LRBA: variants seen among roughly 807,000 people sequenced by gnomAD.
The protein encoded by LRBA is lipopolysaccharide-responsive and beige-like anchor protein.
In LRBA, 176 loss-of-function variants were observed where a neutral mutation model predicts 330.0. The observed-to-expected ratio is 0.53, with a 90% CI of 0.47 to 0.60. LRBA has a LOEUF of 0.60. Among genes scored for constraint, LRBA ranks in the 20% least tolerant of loss-of-function variants. The pLI, the probability that LRBA is intolerant of heterozygous loss-of-function variation, is 0.00. For synonymous variants in LRBA, 1,230 were observed against 1,193.0 expected, an observed-to-expected ratio of 1.03 and a Z score of -0.64; for missense variants, 3,259 against 3,444.8, an observed-to-expected ratio of 0.95 and a Z score of 1.35.
intron 40 of LRBA, among the ~76,000 whole-genome samples, chr4:150,516,380 T>C (rs1762366104): frequency 1.3e-5 from 2 of 151,904 alleles, no homozygotes; most frequent in African/African-American, 4.8e-5. Context: ...TGACTACATA[T>C]ATAATCTAAA....
intron 2 of LRBA, among the ~76,000 whole-genome samples, chr4:150,965,658 G>C (rs1405917974): frequency 6.6e-6 from 1 of 151,640 alleles, no homozygotes; most frequent in Non-Finnish European, 1.5e-5. Flanking sequence ...TCCCGCCTCA[G>C]CCTCCTAAGT....
At chr4:150,376,555 A>G (rs751800256) in intron 47 of LRBA, among the ~76,000 whole-genome samples, 15 of 152,216 alleles carry the variant, frequency 9.9e-5, no homozygotes, top group Non-Finnish European at 2.1e-4. Flanking sequence ...GTACTAAACC[A>G]TGGTTGTAAT....
At chr4:150,805,293 GGAAA>G (rs2126706560) in intron 33 of LRBA, among the ~76,000 whole-genome samples, 1 of 85,174 alleles carries the variant, frequency 1.2e-5, no homozygotes, top group South Asian at 4.4e-4. Flanking sequence ...GAGAAGGAAA[GGAAA>G]GGAAAGGAAA....
Position 150,758,439 on chromosome 4 carries a change from C to T in LRBA, c.5645+3344G>A, listed in dbSNP as rs2126448175. 2.0e-5 allele frequency among the ~76,000 whole-genome samples: 3 copies of T among 152,268 alleles called. No individual in the cohort carries two copies. In the South Asian group the frequency reaches 6.2e-4, roughly 32 times the overall value. ...CCCACATCCAAGCCATTAGAATATC[C>T]TGTCAGGTCTTATCTTCAAAATAGG... On this transcript the variant is annotated intron_variant, in intron 35 of 56. Coordinates refer to ENST00000651943, the MANE Select transcript of LRBA (RefSeq NM_001364905.1).
At chr4:150,963,194 CG>C (rs1273869937) in intron 2 of LRBA, among the ~76,000 whole-genome samples, 2 of 148,060 alleles carry the variant, frequency 1.4e-5, no homozygotes, top group African/African-American at 5.3e-5. Context: ...CCCCTTTGCA[CG>C]GTCCTCGTCT....
rs757523027 is a variant in LRBA, at chr4:150,302,725, A to G, written c.7917T>C (p.Tyr2639=). ...VVTCLARSES[Y]IGGNCYILSG... ...AGAGAATGTAGCAATTTCCCCCAATATATGACTCAGAACGAGCAAGGCAAG... is the reference window on the plus strand; with the variant it reads ...AGAGAATGTAGCAATTTCCCCCAATGTATGACTCAGAACGAGCAAGGCAAG... Residue 2639 remains tyrosine, a synonymous_variant, in exon 53 of 57, where the codon TAT becomes TAC. Transcript: ENST00000651943. The G allele has an allele frequency of 6.2e-7, 1 of 1,612,238 alleles. No individual in the cohort carries two copies. The highest frequency in any genetic ancestry group is 8.5e-7 in the Non-Finnish European group (1 of 1,178,890).
intron 41 of LRBA, among the ~76,000 whole-genome samples, chr4:150,489,676 TTATATATAAGA>T (rs1393741648): frequency 8.0e-6 from 1 of 125,482 alleles, no homozygotes; most frequent in Non-Finnish European, 1.6e-5. Context: ...AGAATATATA[TTATATATAAGA>T]ATATATTATA....
At chr4:150,822,529 G>A (rs1470912036) in intron 30 of LRBA, among the ~76,000 whole-genome samples, 2 of 152,186 alleles carry the variant, frequency 1.3e-5, no homozygotes, top group African/African-American at 4.8e-5. Flanking sequence ...TGCTTTGGGA[G>A]GACAATGCAG....
chr4:150,912,181 T>C (rs530500653), intron 9 of LRBA, among the ~76,000 whole-genome samples: 3 of 152,272 alleles, frequency 2.0e-5, no homozygotes, highest in Admixed American at 1.3e-4. Context: ...TTCTATTTTC[T>C]ATTCCAGGGG....
intron 37 of LRBA, among the ~76,000 whole-genome samples, chr4:150,623,853 AT>A: frequency 6.6e-6 from 1 of 151,968 alleles, no homozygotes; most frequent in Non-Finnish European, 1.5e-5. Flanking sequence ...TCTATTTTTT[AT>A]TTTATGTTAT....
At chr4:150,573,561 G>T (rs1360328497) in intron 40 of LRBA, among the ~76,000 whole-genome samples, 1 of 152,088 alleles carries the variant, frequency 6.6e-6, no homozygotes, top group East Asian at 1.9e-4. Flanking sequence ...GTCAAAATGA[G>T]AACAATTAGA....
chr4:150,628,040 T>C lies in LRBA; in HGVS notation c.5922-28909A>G, dbSNP rs537749898. Among the ~76,000 whole-genome samples the C allele has an allele frequency of 2.2e-4, 34 of 152,288 alleles. 1 individual carries two copies. The South Asian group carries it at 7.1e-3, about 32-fold the overall frequency. ...CCATGTTAAGCTTTTAAGCTTTTTT[T>C]GCTTTCATCAATTCCAATATACCAT... On this transcript the variant is annotated intron_variant, in intron 37 of 56. Coordinates refer to ENST00000651943, the MANE Select transcript of LRBA (RefSeq NM_001364905.1).
chr4:150,623,301 T>C (rs1423745265), intron 37 of LRBA, among the ~76,000 whole-genome samples: 1 of 152,226 alleles, frequency 6.6e-6, no homozygotes, highest in African/African-American at 2.4e-5. Flanking sequence ...TGTATCCTAA[T>C]AGAAATGCTC....
At chr4:150,311,575 CATGGCACACA>C (rs1483602158) in intron 51 of LRBA, among the ~76,000 whole-genome samples, 1 of 152,178 alleles carries the variant, frequency 6.6e-6, no homozygotes, top group Non-Finnish European at 1.5e-5. Context: ...CTGTTGCCCT[CATGGCACACA>C]CAACACGGCA....
rs35977354 is a variant in LRBA at position 150,852,360 on chromosome 4, C to A, written c.3350G>T (p.Gly1117Val). 1,259 of 1,613,604 alleles carry A rather than the reference C, an allele frequency of 7.8e-4. 5 individuals carry two copies. In the African/African-American group the frequency reaches 0.015, roughly 20 times the overall value. ...DDDYVELKVE[G>V]SPTEEANLPT... ...TAGATTAGCTTCCTCAGTAGGACTG[C>A]CTTCTACTTTCAGTTCCACATAATC... Residue 1117 changes from glycine to valine, a missense_variant, in exon 23 of 57, where the codon GGC becomes GTC. Gly to Val is a moderately radical substitution (Grantham distance 109). Transcript: ENST00000651943.
chr4:150,348,684 CA>C (rs1344096716), intron 48 of LRBA, among the ~76,000 whole-genome samples: 1 of 151,938 alleles, frequency 6.6e-6, no homozygotes, highest in African/African-American at 2.4e-5. Flanking sequence ...CAGGAGAAAA[CA>C]AAAATAGCTG....
intron 50 of LRBA, among the ~76,000 whole-genome samples, chr4:150,319,877 G>A (rs919890832): frequency 4.6e-5 from 7 of 152,136 alleles, no homozygotes; most frequent in Admixed American, 3.9e-4. Context: ...TGAGGTCCTT[G>A]TTCAAGAACT....
At chr4:150,271,867 C>CTT (rs924417049) in intron 56 of LRBA, among the ~76,000 whole-genome samples, 6 of 152,146 alleles carry the variant, frequency 3.9e-5, no homozygotes, top group Non-Finnish European at 8.8e-5. Context: ...CAGTTAGGGG[C>CTT]TTATAGATAA....
At chr4:150,316,682 A>AG (rs1219586385) in intron 50 of LRBA, among the ~76,000 whole-genome samples, 2 of 152,148 alleles carry the variant, frequency 1.3e-5, no homozygotes, top group African/African-American at 4.8e-5. Context: ...CCGGTGGGCT[A>AG]GGGGAGGTCC....
Sources: gnomAD v4.1 joint callset for allele counts (sites outside exome capture counted in the v4.1 genomes callset) on GRCh38, gnomAD v4.1.1 for gene constraint, MANE v1.5 for transcripts, NCBI Gene and HGNC (gene_info 2026-07-23, HGNC 2026-07-21) for gene names.